The following KCNH7 variants were observed in gnomAD, a reference collection of about 807,000 sequenced individuals.
KCNH7 encodes potassium voltage-gated channel subfamily H member 7.
KCNH7 carries 49 observed loss-of-function variants against 120.8 expected under a neutral mutation model. The observed-to-expected ratio is 0.41, with a 90% confidence interval of 0.32 to 0.51. The LOEUF is 0.51. KCNH7 is among the 20% of genes least tolerant of loss of function. KCNH7 has a pLI of 0.38. For synonymous variants in KCNH7, 547 were observed against 516.1 expected, an observed-to-expected ratio of 1.06 and a Z score of -0.81; for missense variants, 1,097 against 1,446.6, an observed-to-expected ratio of 0.76 and a Z score of 3.92.
At chr2:162,751,484 A>G (rs1688548034) in intron 2 of KCNH7, among the ~76,000 whole-genome samples, 1 of 152,090 alleles carries the variant, frequency 6.6e-6, no homozygotes, top group Non-Finnish European at 1.5e-5. Flanking sequence ...AATATAACTG[A>G]TGTTATATTT....
chr2:162,388,077 T>C (rs2105419592), intron 12 of KCNH7, among the ~76,000 whole-genome samples: 1 of 151,946 alleles, frequency 6.6e-6, no homozygotes, highest in South Asian at 2.1e-4. Context: ...AATTGGAGTC[T>C]AAAATAAATT....
At chr2:162,593,897 C>G (rs1694293252) in intron 2 of KCNH7, among the ~76,000 whole-genome samples, 1 of 151,980 alleles carries the variant, frequency 6.6e-6, no homozygotes, top group African/African-American at 2.4e-5. Flanking sequence ...ATATTTCTCA[C>G]TTTCATTCAA....
intron 2 of KCNH7, among the ~76,000 whole-genome samples, chr2:162,678,206 A>T (rs1685591864): frequency 6.6e-6 from 1 of 151,388 alleles, no homozygotes; most frequent in Non-Finnish European, 1.5e-5. Context: ...CTAATGTGGC[A>T]CTTTCTTAAC....
At chr2:162,731,267 AAT>A (rs1362225247) in intron 2 of KCNH7, among the ~76,000 whole-genome samples, 1 of 148,676 alleles carries the variant, frequency 6.7e-6, no homozygotes, top group African/African-American at 2.4e-5. Context: ...TATATATAAT[AAT>A]ATATAATATT....
chr2:162,571,979 C>T (rs9678633), intron 2 of KCNH7, among the ~76,000 whole-genome samples: 2 of 149,450 alleles, frequency 1.3e-5, no homozygotes, highest in African/African-American at 2.5e-5. Flanking sequence ...TCAGGACATA[C>T]GCATGGGCAA....
At chr2:162,523,967 A>C (rs1212236751) in intron 3 of KCNH7, among the ~76,000 whole-genome samples, 1 of 151,900 alleles carries the variant, frequency 6.6e-6, no homozygotes, top group Non-Finnish European at 1.5e-5. Context: ...AGCAAATTAG[A>C]CACCATGATG....
chr2:162,748,776 A>T (rs1024454367), intron 2 of KCNH7, among the ~76,000 whole-genome samples: 1 of 151,586 alleles, frequency 6.6e-6, no homozygotes, highest in Admixed American at 6.6e-5. Context: ...TAACAAAGCA[A>T]TATTCCACAG....
chr2:162,665,635 A>C (rs567669833), intron 2 of KCNH7, among the ~76,000 whole-genome samples: 3 of 152,314 alleles, frequency 2.0e-5, no homozygotes, highest in African/African-American at 7.2e-5. Flanking sequence ...AAGAGAGACT[A>C]TTCCTAACCT....
At chr2:162,566,577 C>T (rs1693264594) in intron 2 of KCNH7, among the ~76,000 whole-genome samples, 1 of 152,012 alleles carries the variant, frequency 6.6e-6, no homozygotes, top group South Asian at 2.1e-4. Flanking sequence ...AACATTTATT[C>T]ATTGATTCAT....
chr2:162,709,163 T>A (rs1294734067), intron 2 of KCNH7, among the ~76,000 whole-genome samples: 1 of 152,110 alleles, frequency 6.6e-6, no homozygotes, highest in Non-Finnish European at 1.5e-5. Flanking sequence ...CTCCTAGGTT[T>A]ATCGTGATAA....
At chr2:162,667,150 G>C (rs1016935406) in intron 2 of KCNH7, among the ~76,000 whole-genome samples, 4 of 151,450 alleles carry the variant, frequency 2.6e-5, no homozygotes, top group Non-Finnish European at 5.9e-5. Flanking sequence ...CTCCTGAGTA[G>C]CTGGGACTAT....
At chr2:162,748,715 T>C (rs1022631800) in intron 2 of KCNH7, among the ~76,000 whole-genome samples, 1 of 152,172 alleles carries the variant, frequency 6.6e-6, no homozygotes, top group Non-Finnish European at 1.5e-5. Context: ...AACTTTCCAA[T>C]GACTCTAAAG....
intron 13 of KCNH7, 61 bp from the exon 14 acceptor site, chr2:162,380,082 A>G (rs143092812): frequency 3.3e-4 from 513 of 1,557,506 alleles, no homozygotes; most frequent in Middle Eastern, 1.4e-3. Context: ...TCAATAATTC[A>G]TAGATATCCA....
At chr2:162,809,473 A>T (rs536863419) in intron 2 of KCNH7, among the ~76,000 whole-genome samples, 1 of 152,228 alleles carries the variant, frequency 6.6e-6, no homozygotes, top group South Asian at 2.1e-4. Flanking sequence ...AGCTCTATTG[A>T]TATGTAACCT....
At chr2:162,709,678 G>A (rs1258608506) in intron 2 of KCNH7, among the ~76,000 whole-genome samples, 2 of 151,986 alleles carry the variant, frequency 1.3e-5, no homozygotes, top group African/African-American at 4.8e-5. Context: ...AATAACCCAA[G>A]GCAAACTCTA....
intron 6 of KCNH7, among the ~76,000 whole-genome samples, chr2:162,501,250 A>C (rs959182766): frequency 6.6e-6 from 1 of 152,018 alleles, no homozygotes; most frequent in African/African-American, 2.4e-5. Context: ...TAAGTGTTTC[A>C]CCTGACTCCA....
chr2:162,634,516 C>A (rs1348167312), intron 2 of KCNH7, among the ~76,000 whole-genome samples: 1 of 152,046 alleles, frequency 6.6e-6, no homozygotes, highest in African/African-American at 2.4e-5. Context: ...AATTTACTGC[C>A]TTTTATGTGT....
At chr2:162,755,328 C>T (rs1488828374) in intron 2 of KCNH7, among the ~76,000 whole-genome samples, 1 of 151,872 alleles carries the variant, frequency 6.6e-6, no homozygotes. Flanking sequence ...AAAAATTAGC[C>T]AGGTTTGGTG....
At chr2:162,589,715 T>C in intron 2 of KCNH7, among the ~76,000 whole-genome samples, 1 of 152,078 alleles carries the variant, frequency 6.6e-6, no homozygotes, top group African/African-American at 2.4e-5. Flanking sequence ...AGGAGTCTAC[T>C]GGTAAAATGA....
Sources: allele counts gnomAD v4.1 joint callset (sites outside exome capture counted in the v4.1 genomes callset), GRCh38; gene constraint gnomAD v4.1.1; transcripts MANE v1.5; gene names NCBI Gene and HGNC (gene_info 2026-07-23, HGNC 2026-07-21).